Variants in SEL1L3 observed in about 807,000 individuals in gnomAD.
SEL1L3 encodes protein sel-1 homolog 3.
SEL1L3 carries 76 observed loss-of-function variants against 142.8 expected under a neutral mutation model. The ratio of observed to expected loss-of-function variants is 0.53; its 90% confidence interval spans 0.44 to 0.64. The LOEUF (loss-of-function observed/expected upper bound fraction) is 0.64, where lower values mean the gene tolerates loss of function less well. Ranked by LOEUF, SEL1L3 falls within the 30% of genes least tolerant of loss-of-function variation. The pLI is 0.00. For missense variants in SEL1L3, 1,262 were observed against 1,381.7 expected, an observed-to-expected ratio of 0.91 and a Z score of 1.37; for synonymous variants, 504 against 519.6, an observed-to-expected ratio of 0.97 and a Z score of 0.41.
chr4:25,722,381 C>G, the SEL1L3 span, among the ~76,000 whole-genome samples: 1 of 152,120 alleles, frequency 6.6e-6, no homozygotes, highest in East Asian at 1.9e-4. Context: ...GAGTCTTAAT[C>G]ATCCTTATGT....
the SEL1L3 span, among the ~76,000 whole-genome samples, chr4:25,721,994 G>A: frequency 6.6e-6 from 1 of 152,146 alleles, no homozygotes; most frequent in African/African-American, 2.4e-5. Flanking sequence ...GCGAATTAAA[G>A]TAACAAAAGA....
chr4:25,757,665 G>A (rs1718081172), intron 22 of SEL1L3, 23 bp downstream of exon 22: 1 of 1,569,462 alleles, frequency 6.4e-7, no homozygotes, highest in Non-Finnish European at 8.6e-7. Context: ...ACAAGGGTGG[G>A]GCCGGTGGGA....
rs748073644 is a variant in SEL1L3 at position 25,847,417 on chromosome 4, G to A, written c.610C>T (p.Leu204Phe). 71 of 1,613,858 alleles carry A rather than the reference G, an allele frequency of 4.4e-5. No homozygotes were observed. Among genetic ancestry groups the A allele is most frequent in the Non-Finnish European group, 5.8e-5 (69 of 1,179,894 alleles). The change falls in exon 2 of 24, where the codon CTC (leucine) becomes TTC (phenylalanine). Residue 204 changes from leucine (L) to phenylalanine (F), a missense_variant. Coordinates refer to ENST00000399878, the MANE Select transcript of SEL1L3 (RefSeq NM_015187.5). ...LLHAVAKNYT[L>F]LQTIPPFERP... is the part of the protein sequence containing the mutation. ...TCAAAAGGCGGGATGGTCTGCAGGA[G>A]GGTATAATTCTTTGCTACAGCATGG... is the stretch of plus-strand genomic sequence containing the variant.
Position 25,788,904 on chromosome 4 carries a change from C to CCAG in SEL1L3, c.2077-543_2077-541dup, listed in dbSNP as rs1712070765. Among the ~76,000 whole-genome samples, 1 of 152,138 alleles carries CCAG rather than the reference C, an allele frequency of 6.6e-6. No homozygotes were observed. Among genetic ancestry groups the CCAG allele is most frequent in the Non-Finnish European group, 1.5e-5 (1 of 68,018 alleles). On this transcript the variant is annotated intron_variant, in intron 12 of 23. Transcript: ENST00000399878. This position sits in a 1 kb window ranked among gnomAD's most constrained non-coding sequence, Gnocchi z 5.3. ...TGTCCCTGTCTGTTAGCCCCCCAAC[C>CCAG]CAGCAGAGCTCAGCAGGTCATAGAA...
chr4:25,725,763 C>G, the SEL1L3 span, among the ~76,000 whole-genome samples: 1 of 152,152 alleles, frequency 6.6e-6, no homozygotes, highest in East Asian at 1.9e-4. Context: ...CCTTTTAGTT[C>G]CATGTGGGGT....
At chr4:25,838,460 A>C (rs189455668) in intron 2 of SEL1L3, among the ~76,000 whole-genome samples, 99 of 152,320 alleles carry the variant, frequency 6.5e-4, no homozygotes, top group Admixed American at 1.3e-3. Context: ...TAGCTAGAAG[A>C]AGCTCTAATA....
chr4:25,802,590 C>CT (rs901228042), intron 10 of SEL1L3, 128 bp from the exon 11 acceptor site: 1,045 of 782,712 alleles, frequency 1.3e-3, no homozygotes, highest in South Asian at 1.7e-3. Context: ...GTTAACTTGC[C>CT]TTTTTTTTTG....
intron 6 of SEL1L3, among the ~76,000 whole-genome samples, chr4:25,822,500 G>T (rs1434417022): frequency 6.6e-6 from 1 of 152,182 alleles, no homozygotes; most frequent in Non-Finnish European, 1.5e-5. Context: ...TGGTGGTATT[G>T]TTCAGAATCA....
intron 23 of SEL1L3, chr4:25,756,959 G>C: frequency 2.4e-6 from 3 of 1,228,180 alleles, no homozygotes; most frequent in Non-Finnish European, 3.1e-6. Context: ...AGTTTCTTAG[G>C]CTTTTTAAAG....
At chr4:25,793,607 T>G (rs1185605812) in intron 11 of SEL1L3, among the ~76,000 whole-genome samples, 2 of 152,148 alleles carry the variant, frequency 1.3e-5, no homozygotes, top group African/African-American at 4.8e-5. Context: ...GGTGGGACCA[T>G]TAAGAGCACA....
the SEL1L3 span, among the ~76,000 whole-genome samples, chr4:25,738,948 G>A: frequency 6.6e-6 from 1 of 152,142 alleles, no homozygotes; most frequent in Non-Finnish European, 1.5e-5. Flanking sequence ...GCTCACGCCT[G>A]TAATCCCAGC....
In SEL1L3 at chr4:25,862,838, G is replaced by C. The variant is rs1227977600; in HGVS notation, c.-2C>G. The C allele has an allele frequency of 2.7e-6, 3 of 1,116,384 alleles. No individual in the cohort carries two copies. The highest frequency in any genetic ancestry group is 3.3e-6 in the Non-Finnish European group (3 of 915,574). 69.2% of individuals were successfully genotyped at this position (1,116,384 alleles called of 1,614,324 possible). On this transcript the variant is annotated 5_prime_UTR_variant, in exon 1 of 24. Transcript: ENST00000399878. Reference sequence around the variant, plus strand: ...GAGCCCCGCGCCGCGCCGCTGCATGGCGAGGCCGCCCGGATCCGGGCCGGA... The same window carrying C: ...GAGCCCCGCGCCGCGCCGCTGCATGCCGAGGCCGCCCGGATCCGGGCCGGA...
At chr4:25,837,267 C>T (rs1025822676) in intron 2 of SEL1L3, among the ~76,000 whole-genome samples, 12 of 148,212 alleles carry the variant, frequency 8.1e-5, no homozygotes, top group African/African-American at 3.0e-4. Flanking sequence ...GCAGAAGAGA[C>T]CAGATGGCCA....
intron 20 of SEL1L3, chr4:25,759,629 T>C (rs1211833864): frequency 6.5e-6 from 1 of 154,344 alleles, no homozygotes; most frequent in Non-Finnish European, 1.4e-5. Context: ...ATGGTATATT[T>C]TCCTACCTCT....
chr4:25,802,304 C>T lies in SEL1L3; in HGVS notation c.1935G>A (p.Gln645=), dbSNP rs201177208. The T allele has an allele frequency of 3.5e-5, 57 of 1,613,188 alleles. No individual in the cohort carries two copies. The highest frequency in any genetic ancestry group is 4.7e-5 in the Non-Finnish European group (56 of 1,179,602). The change falls in exon 11 of 24, where the codon CAG becomes CAA. Residue 645 remains glutamine (Q), a synonymous_variant. Transcript: ENST00000399878. ...SNIATKTPLD[Q]HTLQGDQAYV... is the part of the protein sequence containing the mutation. Reference sequence around the variant, plus strand: ...ATACCTGATCTCCTTGCAGTGTGTGCTGGTCAAGGGGTGTCTTGGTGGCAA... The same window carrying T: ...ATACCTGATCTCCTTGCAGTGTGTGTTGGTCAAGGGGTGTCTTGGTGGCAA...
chr4:25,774,796 G>A (rs1719491153), intron 17 of SEL1L3, among the ~76,000 whole-genome samples: 1 of 152,236 alleles, frequency 6.6e-6, no homozygotes, highest in Admixed American at 6.5e-5. Context: ...AGTGAGCCAA[G>A]ATCGTGCCAC....
chr4:25,748,281 A>G lies in SEL1L3; in HGVS notation c.*144T>C, dbSNP rs1023796032. 1 of 749,440 alleles carries G rather than the reference A, an allele frequency of 1.3e-6. No homozygotes were observed. The highest frequency in any genetic ancestry group is 2.1e-6 in the Non-Finnish European group (1 of 475,026). 46.4% of individuals were successfully genotyped at this position (749,440 alleles called of 1,614,324 possible). On this transcript the variant is annotated 3_prime_UTR_variant, in exon 24 of 24. Transcript: ENST00000399878. Reference sequence around the variant, plus strand: ...GGGTACTTCCTTGTAATTTGACTTTAAAAAAAATGACACCAATTGCAAAAT... The same window carrying G: ...GGGTACTTCCTTGTAATTTGACTTTGAAAAAAATGACACCAATTGCAAAAT...
At chr4:25,765,588 A>C (rs181672360) in intron 19 of SEL1L3, among the ~76,000 whole-genome samples, 153 bp from the exon 20 acceptor site, 15 of 152,310 alleles carry the variant, frequency 9.8e-5, no homozygotes, top group Non-Finnish European at 1.9e-4. Context: ...AGAGAGAAAC[A>C]AGCAAAAAGG....
At chr4:25,811,331 T>C (rs1381538748) in intron 9 of SEL1L3, among the ~76,000 whole-genome samples, 1 of 152,170 alleles carries the variant, frequency 6.6e-6, no homozygotes, top group African/African-American at 2.4e-5. Context: ...GCAAACAGCG[T>C]CCTGGTAGAC....
Sources: gnomAD v4.1 joint callset for allele counts (sites outside exome capture counted in the v4.1 genomes callset) on GRCh38, gnomAD v4.1.1 for gene constraint, Gnocchi (gnomAD v3.1) non-coding constraint, MANE v1.5 for transcripts, NCBI Gene and HGNC (gene_info 2026-07-23, HGNC 2026-07-21) for gene names.